Variants in JAK1 observed in about 807,000 individuals in gnomAD.
JAK1 encodes the protein tyrosine-protein kinase JAK1.
Under a neutral mutation model 136.6 loss-of-function variants are expected in JAK1, and 16 were observed. That is an observed-to-expected ratio of 0.12 (90% CI 0.08 to 0.18). The LOEUF is 0.18. Among genes scored for constraint, JAK1 ranks in the 10% least tolerant of loss-of-function variants. The probability of loss-of-function intolerance (pLI) is 1.00; values close to 1 mark genes in which losing one functional copy is unlikely to be tolerated. For missense variants in JAK1, 859 were observed against 1,450.1 expected, an observed-to-expected ratio of 0.59 and a Z score of 6.62; for synonymous variants, 492 against 519.5, an observed-to-expected ratio of 0.95 and a Z score of 0.72.
intron 1 of JAK1, among the ~76,000 whole-genome samples, chr1:64,936,505 T>C (rs1488538310): frequency 1.3e-5 from 2 of 152,196 alleles, no homozygotes; most frequent in Non-Finnish European, 2.9e-5. Flanking sequence ...ATTTCTCCCA[T>C]GAAGACAAAG....
chr1:65,047,515 G>A (rs1347276704), intron 1 of JAK1, among the ~76,000 whole-genome samples: 2 of 152,128 alleles, frequency 1.3e-5, no homozygotes, highest in African/African-American at 4.8e-5. Context: ...TCAGGAGATC[G>A]AGACCATCCT....
chr1:65,052,116 C>CTTTTTTT (rs1557775795), intron 1 of JAK1, among the ~76,000 whole-genome samples: 49 of 110,932 alleles, frequency 4.4e-4, no homozygotes, highest in Non-Finnish European at 6.9e-4. Context: ...CCACGCCTGG[C>CTTTTTTT]TATTTTTTTT....
Position 64,841,517 on chromosome 1 carries a change from A to G in JAK1, c.2488T>C (p.Tyr830His). 2 of 1,614,156 alleles carry G rather than the reference A, an allele frequency of 1.2e-6. No individual in the cohort carries two copies. The highest frequency in any genetic ancestry group is 1.3e-5 in the African/African-American group (1 of 75,024). Residue 830 changes from tyrosine (Y) to histidine (H), a missense_variant, in exon 18 of 25, where the codon TAT becomes CAT. Physicochemically the swap from Tyr to His is moderately conservative, Grantham distance 83 (BLOSUM62 2). Coordinates refer to ENST00000342505, the MANE Select transcript of JAK1 (RefSeq NM_002227.4). ...AAGAAAGGCCTCTGATTGGGGTCATAGTTCATGCAGCGGGTCATGAGGTCA... is the reference window on the plus strand; with the variant it reads ...AAGAAAGGCCTCTGATTGGGGTCATGGTTCATGCAGCGGGTCATGAGGTCA... ...LADLMTRCMNYDPNQRPFFRA... is the reference protein window; with the variant it reads ...LADLMTRCMNHDPNQRPFFRA...
intron 23 of JAK1, among the ~76,000 whole-genome samples, chr1:64,835,851 T>C (rs1375035376): frequency 6.6e-6 from 1 of 152,076 alleles, no homozygotes; most frequent in East Asian, 1.9e-4. Context: ...AAACTGCCCT[T>C]CATCTCTACA....
At chr1:64,834,785 A>T (rs1030805088) in intron 24 of JAK1, 128 bp from the exon 25 acceptor site, 1 of 637,690 alleles carries the variant, frequency 1.6e-6, no homozygotes, top group East Asian at 2.8e-5. Flanking sequence ...CTAGAAAAAC[A>T]AGAGTATTTG....
chr1:64,959,814 T>C (rs1427711701), intron 1 of JAK1, among the ~76,000 whole-genome samples: 5 of 152,250 alleles, frequency 3.3e-5, no homozygotes, highest in Admixed American at 6.5e-5. Flanking sequence ...AAATCTAACA[T>C]AGAATATATC....
chr1:65,028,740 A>G (rs1646999012), intron 2 of JAK1, among the ~76,000 whole-genome samples: 1 of 152,236 alleles, frequency 6.6e-6, no homozygotes, highest in Non-Finnish European at 1.5e-5. Flanking sequence ...ACATGTTTTT[A>G]CATACGTTAT....
chr1:64,963,462 T>TA (rs60440432), intron 1 of JAK1, among the ~76,000 whole-genome samples: 35,260 of 151,928 alleles, frequency 0.23, 5,597 homozygotes, highest in African/African-American at 0.43. Context: ...CTAAGTATAC[T>TA]AAAAAAACCT....
At chr1:64,995,643 T>C (rs1485904417) in intron 2 of JAK1, among the ~76,000 whole-genome samples, 1 of 152,216 alleles carries the variant, frequency 6.6e-6, no homozygotes, top group East Asian at 1.9e-4. Flanking sequence ...ATATAAAAAG[T>C]GATCAGTTGA....
intron 4 of JAK1, among the ~76,000 whole-genome samples, chr1:64,875,745 G>A (rs771550609): frequency 1.2e-4 from 19 of 152,070 alleles, no homozygotes; most frequent in Non-Finnish European, 1.8e-4. Flanking sequence ...CATGAGCCAC[G>A]TCAGGCCTCT....
intron 1 of JAK1, among the ~76,000 whole-genome samples, chr1:65,064,877 C>T (rs1312402155): frequency 6.6e-6 from 1 of 152,138 alleles, no homozygotes; most frequent in Non-Finnish European, 1.5e-5. Context: ...TGTTGACGTA[C>T]AAAAACTTAT....
chr1:65,024,686 A>G (rs565028355), intron 2 of JAK1, among the ~76,000 whole-genome samples: 7 of 145,000 alleles, frequency 4.8e-5, no homozygotes, highest in South Asian at 4.3e-4. Context: ...AAAAAGAAAG[A>G]AAAAAAAAGG....
chr1:64,857,923 T>C, intron 9 of JAK1, 144 bp from the exon 10 acceptor site: 1 of 970,090 alleles, frequency 1.0e-6, no homozygotes, highest in Non-Finnish European at 1.5e-6. Flanking sequence ...AAGTCCCCTC[T>C]GATGCCATCC....
chr1:64,913,026 A>G (rs970560750), intron 1 of JAK1, among the ~76,000 whole-genome samples: 5 of 152,114 alleles, frequency 3.3e-5, no homozygotes, highest in Admixed American at 1.3e-4. Context: ...AAAATTATAT[A>G]TAAGTTTTTT....
In JAK1 at chr1:64,841,668, A is replaced by G. The variant is rs1018450545; in HGVS notation, c.2404-67T>C. The G allele has an allele frequency of 5.1e-6, 8 of 1,556,576 alleles. No individual in the cohort carries two copies. In the African/African-American group the frequency reaches 1.1e-4, roughly 21 times the overall value. ...CCTACAAACTTCTCAGCCCCAGGTCAGGTGGAATTGCCAATTCCTCATTCG... is the reference window on the plus strand; with the variant it reads ...CCTACAAACTTCTCAGCCCCAGGTCGGGTGGAATTGCCAATTCCTCATTCG... On this transcript the variant is annotated intron_variant, in intron 17 of 24. Coordinates refer to ENST00000342505, the MANE Select transcript of JAK1 (RefSeq NM_002227.4).
At chr1:65,055,167 C>G (rs1035370019) in intron 1 of JAK1, among the ~76,000 whole-genome samples, 2 of 152,188 alleles carry the variant, frequency 1.3e-5, no homozygotes, top group East Asian at 1.9e-4. Flanking sequence ...CCATTCCCCC[C>G]TCTCCCCCAG....
intron 1 of JAK1, among the ~76,000 whole-genome samples, chr1:64,922,850 C>A (rs1645518747): frequency 6.6e-6 from 1 of 152,102 alleles, no homozygotes; most frequent in Admixed American, 6.6e-5. Context: ...CTGGCTCTGC[C>A]ACTTATGAGC....
chr1:64,941,304 T>A lies in JAK1; in HGVS notation c.-78+25029A>T, dbSNP rs557381213. On this transcript the variant is annotated intron_variant, in intron 1 of 24. Transcript: ENST00000342505. ...GGCCAAGAATTTATTGTAACTTGCA[T>A]CCACATCTGGGAAAAAAAAAATTCA... 1.8e-4 allele frequency among the ~76,000 whole-genome samples: 27 copies of A among 152,172 alleles called. No individual in the cohort carries two copies. The East Asian group carries it at 4.2e-3, about 24-fold the overall frequency.
At chr1:64,839,872 C>T in intron 19 of JAK1, 77 bp from the exon 20 acceptor site, 3 of 1,269,388 alleles carry the variant, frequency 2.4e-6, no homozygotes, top group Non-Finnish European at 3.2e-6. Context: ...TCTTGCTCCT[C>T]ACAGCCGTTC....
Sources: allele counts gnomAD v4.1 joint callset (sites outside exome capture counted in the v4.1 genomes callset), GRCh38; gene constraint gnomAD v4.1.1; transcripts MANE v1.5; gene names NCBI Gene and HGNC (gene_info 2026-07-23, HGNC 2026-07-21).